The following CDH13 variants were observed in gnomAD, a reference collection of about 807,000 sequenced individuals.
The protein encoded by CDH13 is cadherin-13.
A neutral mutation model predicts 63.8 loss-of-function variants in CDH13; 24 were observed. The ratio of observed to expected loss-of-function variants is 0.38; its 90% CI spans 0.27 to 0.53. The LOEUF is 0.53. Among genes scored for constraint, CDH13 ranks in the 20% least tolerant of loss-of-function variants. The probability of loss-of-function intolerance (pLI) is 0.85; values close to 1 mark genes in which losing one functional copy is unlikely to be tolerated. For synonymous variants in CDH13, 503 were observed against 355.3 expected (o/e 1.42, Z -4.67); for missense variants, 1,049 against 903.1 (o/e 1.16, Z -2.07).
At chr16:82,778,236 C>T (rs1597547686) in intron 1 of CDH13, among the ~76,000 whole-genome samples, 1 of 152,160 alleles carries the variant, frequency 6.6e-6, no homozygotes, top group African/African-American at 2.4e-5. Context: ...AATATTCATG[C>T]ATGCTCTGGT....
intron 5 of CDH13, among the ~76,000 whole-genome samples, chr16:83,266,797 C>T (rs181665759): frequency 3.7e-4 from 56 of 152,270 alleles, no homozygotes; most frequent in African/African-American, 1.2e-3. Flanking sequence ...TTCTGGAATC[C>T]TCTCTTTTCC....
chr16:82,630,228 TC>T (rs376273598), intron 1 of CDH13, among the ~76,000 whole-genome samples: 10 of 151,762 alleles, frequency 6.6e-5, no homozygotes, highest in African/African-American at 1.9e-4. Context: ...TGCTGCCCCC[TC>T]CCCCCCTAGG....
intron 4 of CDH13, among the ~76,000 whole-genome samples, chr16:83,216,618 T>A (rs1157131288): frequency 2.1e-5 from 3 of 144,058 alleles, no homozygotes; most frequent in African/African-American, 7.6e-5. Context: ...TTAATATATA[T>A]AATACATAGG....
intron 2 of CDH13, among the ~76,000 whole-genome samples, chr16:82,917,823 G>A (rs1203297357): frequency 6.6e-6 from 1 of 150,856 alleles, no homozygotes; most frequent in African/African-American, 2.5e-5. Context: ...GCTGAGGCGG[G>A]AGAATTGCTT....
intron 5 of CDH13, among the ~76,000 whole-genome samples, chr16:83,322,768 TATAATGTC>T (rs2090258806): frequency 6.6e-6 from 1 of 152,148 alleles, no homozygotes; most frequent in Non-Finnish European, 1.5e-5. Flanking sequence ...CTACAGTCAT[TATAATGTC>T]AGGACCATCT....
intron 1 of CDH13, among the ~76,000 whole-genome samples, chr16:82,739,433 T>A (rs571497118): frequency 6.6e-6 from 1 of 152,306 alleles, no homozygotes; most frequent in African/African-American, 2.4e-5. Context: ...CTTGTTGAAA[T>A]TTTCCTCATG....
rs572480817 is a variant in CDH13, at chr16:83,003,258, G to A, written c.158-28752G>A. On this transcript the variant is annotated intron_variant, in intron 2 of 13. Transcript: ENST00000567109. The stretch of plus-strand genomic sequence containing the variant: ...TGAGAATTGCTCTTGGGCGGTGAGA[G>A]GACTGTAGTTTGGAAAAGGTCAAGG... 1.2e-4 allele frequency among the ~76,000 whole-genome samples: 18 copies of A among 152,282 alleles called. No individual in the cohort carries two copies. In the East Asian group the frequency reaches 3.3e-3, roughly 28 times the overall value.
intron 5 of CDH13, among the ~76,000 whole-genome samples, chr16:83,279,241 T>C (rs938090999): frequency 6.6e-6 from 1 of 152,188 alleles, no homozygotes; most frequent in Non-Finnish European, 1.5e-5. Flanking sequence ...TAAATCATTG[T>C]AAGTCAGCTG....
intron 2 of CDH13, among the ~76,000 whole-genome samples, chr16:82,989,959 G>T (rs565837900): frequency 6.6e-6 from 1 of 151,624 alleles, no homozygotes; most frequent in South Asian, 2.1e-4. Flanking sequence ...TTTTTTACCA[G>T]CTCCCCTCAA....
rs573718342 is a variant in CDH13, at chr16:82,735,005, C to T, written c.45+107868C>T. 7.2e-5 allele frequency among the ~76,000 whole-genome samples: 11 copies of T among 152,264 alleles called. No individual in the cohort carries two copies. The South Asian group carries it at 1.2e-3, about 17-fold the overall frequency. ...AGCAAGACTAATTAGGAGGCTACTC[C>T]GGAAATCTAACTGAGAGATGAAGGT... On this transcript the variant is annotated intron_variant, in intron 1 of 13. Transcript: ENST00000567109.
intron 1 of CDH13, among the ~76,000 whole-genome samples, chr16:82,632,181 A>G (rs1908091585): frequency 6.6e-6 from 1 of 151,484 alleles, no homozygotes; most frequent in South Asian, 2.1e-4. Context: ...AATCGTCACC[A>G]CTCTCTACTA....
chr16:83,300,989 T>C lies in CDH13; in HGVS notation c.637-43873T>C, dbSNP rs62040439. On this transcript the variant is annotated intron_variant, in intron 5 of 13. Transcript: ENST00000567109. ...TGTTAAACTGTGGGCATTTTTAATA[T>C]TGCACATGTTGAACTGATACATATA... Among the ~76,000 whole-genome samples, 1,263 of 150,600 alleles carry C rather than the reference T, an allele frequency of 8.4e-3. 11 individuals carry two copies. The highest frequency in any genetic ancestry group is 0.011 in the Non-Finnish European group (776 of 67,744).
intron 4 of CDH13, among the ~76,000 whole-genome samples, chr16:83,190,397 T>C (rs989614922): frequency 6.6e-6 from 1 of 152,194 alleles, no homozygotes; most frequent in African/African-American, 2.4e-5. Context: ...CAAAGTCAAA[T>C]TGCATTTATA....
chr16:82,922,615 G>A (rs12102479), intron 2 of CDH13, among the ~76,000 whole-genome samples: 55,946 of 151,984 alleles, frequency 0.37, 11,550 homozygotes, highest in Non-Finnish European at 0.47. Context: ...TAACAAGTTG[G>A]TACTTATTTC....
At chr16:83,011,773 T>C (rs1407791773) in intron 2 of CDH13, among the ~76,000 whole-genome samples, 1 of 152,226 alleles carries the variant, frequency 6.6e-6, no homozygotes, top group Non-Finnish European at 1.5e-5. Flanking sequence ...ATCGCTATTT[T>C]ACTCTCCCAA....
At chr16:83,530,883 C>T (rs942359020) in intron 7 of CDH13, among the ~76,000 whole-genome samples, 1 of 152,168 alleles carries the variant, frequency 6.6e-6, no homozygotes, top group Non-Finnish European at 1.5e-5. Context: ...CATGGTGGGT[C>T]AGAGGCAGAG....
chr16:82,729,955 C>G (rs550864704), intron 1 of CDH13, among the ~76,000 whole-genome samples: 5 of 152,302 alleles, frequency 3.3e-5, no homozygotes, highest in African/African-American at 9.6e-5. Context: ...GAACCAAACT[C>G]TGCTAGCTTT....
At chr16:82,771,099 C>T (rs4307944) in intron 1 of CDH13, among the ~76,000 whole-genome samples, 87,704 of 152,066 alleles carry the variant, frequency 0.58, 26,828 homozygotes, top group East Asian at 0.75. Flanking sequence ...GACTATACTT[C>T]ATAAACCCTT....
intron 6 of CDH13, among the ~76,000 whole-genome samples, chr16:83,417,608 C>G (rs2071588440): frequency 6.6e-6 from 1 of 152,162 alleles, no homozygotes; most frequent in Non-Finnish European, 1.5e-5. Context: ...AGCAAACAAA[C>G]ACTTCAGCAG....
Sources: allele counts gnomAD v4.1 joint callset (sites outside exome capture counted in the v4.1 genomes callset), GRCh38; gene constraint gnomAD v4.1.1; transcripts MANE v1.5; gene names NCBI Gene and HGNC (gene_info 2026-07-23, HGNC 2026-07-21).